Variants in HIF1A observed in about 807,000 individuals in gnomAD.
HIF1A encodes the protein hypoxia inducible factor 1 subunit alpha, also known as hypoxia-inducible factor 1-alpha.
In HIF1A, 24 loss-of-function variants were observed where a neutral mutation model predicts 92.7. That is an observed-to-expected ratio of 0.26 (90% CI 0.19 to 0.36). The LOEUF (loss-of-function observed/expected upper bound fraction) is 0.36. Ranked by LOEUF, HIF1A falls within the 10% of genes least tolerant of loss-of-function variation. The pLI is 1.00. For missense variants in HIF1A, 799 were observed against 998.5 expected (o/e 0.80, Z 2.69); for synonymous variants, 319 against 338.7 (o/e 0.94, Z 0.64).
chr14:61,735,927 T>C (rs1188613220), intron 8 of HIF1A, among the ~76,000 whole-genome samples: 2 of 152,206 alleles, frequency 1.3e-5, no homozygotes, highest in African/African-American at 2.4e-5. Flanking sequence ...GTGTCTTTCA[T>C]GTACTTGACT....
chr14:61,702,412 C>T (rs2140118461), intron 1 of HIF1A, among the ~76,000 whole-genome samples: 1 of 150,172 alleles, frequency 6.7e-6, no homozygotes, highest in South Asian at 2.1e-4. Flanking sequence ...TGCACTCCAG[C>T]CTGATGACAG....
At chr14:61,698,874 C>T (rs2044145454) in intron 1 of HIF1A, 1 of 152,154 alleles carries the variant, frequency 6.6e-6, no homozygotes, top group South Asian at 2.1e-4. Context: ...TAGAGTCAAA[C>T]ATACACAGTA....
chr14:61,748,189 T>A lies in HIF1A; in HGVS notation c.*1104T>A, dbSNP rs2044817866. The A allele has an allele frequency of 6.6e-6, 1 of 152,592 alleles. No individual in the cohort carries two copies. The highest frequency in any genetic ancestry group is 1.5e-5 in the Non-Finnish European group (1 of 67,982). The allele number at this position is 152,592 out of a possible 1,614,324, so 9.5% of individuals were successfully genotyped here. ...TGTACAAATTTTTCATTCCTTTTGC[T>A]CTTTGTGGTTGGATCTAACACTAAC... On this transcript the variant is annotated 3_prime_UTR_variant, in exon 15 of 15. Transcript: ENST00000337138.
In HIF1A at chr14:61,726,736, C is replaced by G. The variant is rs770277757; in HGVS notation, c.488C>G (p.Thr163Arg). ...GLVKKGKEQNTQRSFFLRMKC... is the reference protein window; with the variant it reads ...GLVKKGKEQNRQRSFFLRMKC... Reference sequence around the variant, plus strand: ...GTGAAAAAGGGTAAAGAACAAAACACACAGCGAAGCTTTTTTCTCAGAATG... The same window carrying G: ...GTGAAAAAGGGTAAAGAACAAAACAGACAGCGAAGCTTTTTTCTCAGAATG... The change falls in exon 5 of 15, where the codon ACA becomes AGA. Residue 163 changes from threonine to arginine, a missense_variant. By Grantham distance (71) the Thr-to-Arg change is moderately conservative (BLOSUM62 -1). This residue lies in a region of HIF1A where 516 missense variants were observed against 721.0 expected (regional missense o/e 0.72). Transcript: ENST00000337138. 6.2e-7 allele frequency: 1 copy of G among 1,608,156 alleles called. No homozygotes were observed. The highest frequency in any genetic ancestry group is 1.7e-5 in the Admixed American group (1 of 58,950).
rs562294479 is a variant in HIF1A at position 61,734,055 on chromosome 14, G to A, written c.881-83G>A. On this transcript the variant is annotated intron_variant, in intron 7 of 14. Coordinates refer to ENST00000337138, the MANE Select transcript of HIF1A (RefSeq NM_001530.4). ...AACATTTGTTTTCCAAAACAATGAT[G>A]AACATTCAGCATCTGTTCATTTAAT... 1.4e-5 allele frequency: 13 copies of A among 910,324 alleles called. No homozygotes were observed. In the South Asian group the frequency reaches 2.1e-4, roughly 15 times the overall value. The allele number at this position is 910,324 out of a possible 1,614,324, so 56.4% of individuals were successfully genotyped here.
chr14:61,727,787 C>A (rs2044524378), intron 6 of HIF1A, 132 bp downstream of exon 6: 2 of 686,366 alleles, frequency 2.9e-6, no homozygotes, highest in Non-Finnish European at 5.1e-6. Context: ...CTTTGGAAGG[C>A]TGAGGCAAGC....
chr14:61,735,305 A>T (rs547937875), intron 8 of HIF1A, among the ~76,000 whole-genome samples: 1 of 152,196 alleles, frequency 6.6e-6, no homozygotes, highest in Non-Finnish European at 1.5e-5. Context: ...CCTCTTAGGA[A>T]GACTTTGGGC....
At chr14:61,710,915 C>A (rs561583718) in intron 1 of HIF1A, among the ~76,000 whole-genome samples, 1 of 151,866 alleles carries the variant, frequency 6.6e-6, no homozygotes, top group African/African-American at 2.4e-5. Flanking sequence ...AAAAAATTAG[C>A]CGGGTGTGGT....
chr14:61,709,316 T>C (rs1300787480), intron 1 of HIF1A, among the ~76,000 whole-genome samples: 1 of 152,188 alleles, frequency 6.6e-6, no homozygotes, highest in Non-Finnish European at 1.5e-5. Flanking sequence ...AAAAGCACAT[T>C]CTTCTTACAA....
At chr14:61,744,667 A>C (rs1289996596) in intron 12 of HIF1A, 38 bp from the exon 13 acceptor site, 5 of 858,158 alleles carry the variant, frequency 5.8e-6, no homozygotes, top group Non-Finnish European at 9.3e-6. Context: ...TTTTTTTTAA[A>C]AACGCTATAT....
At chr14:61,702,273 C>CAAAAAAAAAA (rs34312928) in intron 1 of HIF1A, among the ~76,000 whole-genome samples, 97 of 101,230 alleles carry the variant, frequency 9.6e-4, no homozygotes, top group Admixed American at 1.4e-3. Context: ...ACTAAAAATA[C>CAAAAAAAAAA]AAAAAAAAAA....
rs2044548027 is a variant in HIF1A at position 61,729,466 on chromosome 14, AAC to A, written c.773+1813_773+1814del. Among the ~76,000 whole-genome samples, 2 of 150,234 alleles carry A rather than the reference AAC, an allele frequency of 1.3e-5. 1 individual carries two copies. The highest frequency in any genetic ancestry group is 3.0e-5 in the Non-Finnish European group (2 of 67,470). ...GACGGAGTGAGACTCCATCTCAAAA[AAC>A]AAAAACAAAACAAAAAAAAGACCTC... On this transcript the variant is annotated intron_variant, in intron 6 of 14. Transcript: ENST00000337138.
At chr14:61,707,220 A>G (rs1382866986) in intron 1 of HIF1A, among the ~76,000 whole-genome samples, 2 of 152,224 alleles carry the variant, frequency 1.3e-5, no homozygotes, top group African/African-American at 4.8e-5. Flanking sequence ...TTGGTGCATT[A>G]CTAACTTGTT....
Position 61,734,172 on chromosome 14 carries a change from C to T in HIF1A, c.915C>T (p.Tyr305=), listed in dbSNP as rs756278083. The T allele has an allele frequency of 6.2e-7, 1 of 1,612,486 alleles. No homozygotes were observed. Among genetic ancestry groups the T allele is most frequent in the Non-Finnish European group, 8.5e-7 (1 of 1,178,806 alleles). The change falls in exon 8 of 15, where the codon TAC becomes TAT. Residue 305 remains tyrosine, a synonymous_variant. Coordinates refer to ENST00000337138, the MANE Select transcript of HIF1A (RefSeq NM_001530.4). ...AAGGACAAGTCACCACAGGACAGTA[C>T]AGGATGCTTGCCAAAAGAGGTGGAT... ...FTKGQVTTGQ[Y]RMLAKRGGYV...
intron 4 of HIF1A, among the ~76,000 whole-genome samples, chr14:61,723,050 G>A (rs1594872013): frequency 6.6e-6 from 1 of 152,160 alleles, no homozygotes; most frequent in African/African-American, 2.4e-5. Context: ...TTTTCTTCAT[G>A]ATGGAAAGTT....
chr14:61,724,380 T>TCTCTCC (rs771152491), intron 4 of HIF1A, among the ~76,000 whole-genome samples: 16 of 139,700 alleles, frequency 1.1e-4, no homozygotes, highest in South Asian at 2.3e-4. Flanking sequence ...TCTCTCTCTC[T>TCTCTCC]CCCCCTCCCT....
In HIF1A at chr14:61,727,403, T is replaced by C. The variant is rs187995098; in HGVS notation, c.571-50T>C. 275 of 1,375,390 alleles carry C rather than the reference T, an allele frequency of 2.0e-4. 1 individual carries two copies. The highest frequency in any genetic ancestry group is 2.0e-3 in the African/African-American group (140 of 70,094). 85.2% of individuals were successfully genotyped at this position (1,375,390 alleles called of 1,614,324 possible). A position where few individuals can be genotyped will look rare whatever the true frequency, so the allele number is the denominator to read the frequency against. On this transcript the variant is annotated intron_variant, in intron 5 of 14. Coordinates refer to ENST00000337138, the MANE Select transcript of HIF1A (RefSeq NM_001530.4). ...CAACTACTTATCTCTGCTTTTTTTTTCCCTAGCATTGTAAATATTTTTTTT... is the reference window on the plus strand; with the variant it reads ...CAACTACTTATCTCTGCTTTTTTTTCCCCTAGCATTGTAAATATTTTTTTT...
intron 7 of HIF1A, 21 bp from the exon 8 acceptor site, chr14:61,734,117 T>G (rs1466079117): frequency 6.7e-7 from 1 of 1,499,660 alleles, no homozygotes; most frequent in African/African-American, 1.4e-5. Flanking sequence ...TCTGCATGAT[T>G]CTTTTTCTTT....
chr14:61,737,247 G>A, intron 9 of HIF1A, 138 bp downstream of exon 9: 1 of 634,432 alleles, frequency 1.6e-6, no homozygotes. Flanking sequence ...TTTCTTAAAT[G>A]TATTTGCTTA....
Sources: allele counts gnomAD v4.1 joint callset (sites outside exome capture counted in the v4.1 genomes callset), GRCh38; gene constraint gnomAD v4.1.1; regional missense constraint gnomAD v4.1.1; transcripts MANE v1.5; gene names NCBI Gene and HGNC (gene_info 2026-07-23, HGNC 2026-07-21).